The following ACYP1 variants were observed in gnomAD, a reference collection of about 807,000 sequenced individuals.
ACYP1 encodes the protein acylphosphatase-1.
A neutral mutation model predicts 10.4 loss-of-function variants in ACYP1; 8 were observed. That is an observed-to-expected ratio of 0.77 (90% CI 0.45 to 1.38). ACYP1 has a LOEUF of 1.38. Ranked by LOEUF, ACYP1 falls within the 40% of genes most tolerant of loss-of-function variation. ACYP1 has a pLI of 0.00. For missense variants in ACYP1, 93 were observed against 117.3 expected, an observed-to-expected ratio of 0.79 and a Z score of 0.96; for synonymous variants, 38 against 40.8, an observed-to-expected ratio of 0.93 and a Z score of 0.26.
chr14:75,067,838 A>T (rs1204544445), upstream of ACYP1, among the ~76,000 whole-genome samples: 2 of 151,842 alleles, frequency 1.3e-5, no homozygotes, highest in African/African-American at 2.4e-5. Context: ...TACAGAAAAA[A>T]AAAAAAGAAG....
chr14:75,065,693 T>A (rs1893130827), upstream of ACYP1, among the ~76,000 whole-genome samples: 1 of 152,132 alleles, frequency 6.6e-6, no homozygotes, highest in South Asian at 2.1e-4. Context: ...GATAATTTAA[T>A]TCCATGAAAA....
intron 2 of ACYP1, among the ~76,000 whole-genome samples, chr14:75,059,163 C>T (rs989279599): frequency 6.6e-5 from 8 of 121,244 alleles, no homozygotes; most frequent in African/African-American, 9.7e-5. Context: ...CTGCACAGAG[C>T]GAGACTCTGT....
chr14:75,068,300 A>C (rs1168762092), upstream of ACYP1, among the ~76,000 whole-genome samples: 4 of 152,186 alleles, frequency 2.6e-5, no homozygotes, highest in Non-Finnish European at 2.9e-5. Flanking sequence ...CGTCTCAAAA[A>C]ACAAAAAACA....
At chr14:75,066,972 G>C (rs1893152359), upstream of ACYP1, among the ~76,000 whole-genome samples, 1 of 152,192 alleles carries the variant, frequency 6.6e-6, no homozygotes, top group African/African-American at 2.4e-5. Flanking sequence ...AGGCAGATTT[G>C]AGAATGGGAG....
chr14:75,057,980 A>AAAC (rs1480176637), intron 2 of ACYP1, among the ~76,000 whole-genome samples: 13 of 147,358 alleles, frequency 8.8e-5, no homozygotes, highest in African/African-American at 2.8e-4. Flanking sequence ...AAAAAAAAAA[A>AAAC]AAAAAAAAGA....
upstream of ACYP1, chr14:75,064,038 C>CG (rs1012391352): frequency 1.0e-6 from 1 of 988,212 alleles, no homozygotes; most frequent in Non-Finnish European, 1.2e-6. Context: ...CCTCCGCGCC[C>CG]GGAAGTTTAG....
intron 2 of ACYP1, among the ~76,000 whole-genome samples, chr14:75,062,590 T>C (rs1160520249): frequency 7.1e-6 from 1 of 140,978 alleles, no homozygotes; most frequent in Non-Finnish European, 1.5e-5. Context: ...CTGAGGCGGA[T>C]GGATCACGAG....
intron 2 of ACYP1, chr14:75,061,535 C>T: frequency 2.4e-6 from 1 of 418,072 alleles, no homozygotes; most frequent in South Asian, 8.5e-5. Context: ...ATTTGTTTTT[C>T]TGCATTCTGT....
At chr14:75,059,075 G>T (rs1351503557) in intron 2 of ACYP1, among the ~76,000 whole-genome samples, 1 of 146,618 alleles carries the variant, frequency 6.8e-6, no homozygotes, top group African/African-American at 2.5e-5. Flanking sequence ...TAGCACACCT[G>T]TAATCTCAGC....
At position 75,060,328 on chromosome 14, in the gene ACYP1, G is replaced by T; in HGVS notation, c.84+3142C>A. 4 of 628,724 alleles carry T rather than the reference G, an allele frequency of 6.4e-6. No homozygotes were observed. In the Admixed American group the frequency reaches 1.1e-4, roughly 17 times the overall value. The allele number at this position is 628,724 out of a possible 1,614,324, so 38.9% of individuals were successfully genotyped here. A position where few individuals can be genotyped will look rare whatever the true frequency, so the allele number is the denominator to read the frequency against. On this transcript the variant is annotated intron_variant, in intron 2 of 2. Transcript: ENST00000238618. The stretch of plus-strand genomic sequence containing the variant: ...ACCCACTAGGATGGCTAACATAAAA[G>T]ACAGTAACCATTGTTGGCAAGGATG...
chr14:75,053,876 AC>A (rs1248221144), intron 2 of ACYP1, among the ~76,000 whole-genome samples: 35 of 152,224 alleles, frequency 2.3e-4, no homozygotes. Context: ...ACCCTATAAA[AC>A]CCAGGCACTA....
chr14:75,064,037 C>A (rs1566621385), upstream of ACYP1: 3 of 988,376 alleles, frequency 3.0e-6, no homozygotes, highest in East Asian at 3.4e-4. Flanking sequence ...ACCTCCGCGC[C>A]CGGAAGTTTA....
upstream of ACYP1, among the ~76,000 whole-genome samples, chr14:75,065,502 T>C (rs919019729): frequency 1.3e-5 from 2 of 152,262 alleles, no homozygotes; most frequent in African/African-American, 4.8e-5. Flanking sequence ...ATGGTATTTC[T>C]TTCTCTAAAA....
In ACYP1 at chr14:75,063,584, A is replaced by C. The variant is rs368888275; in HGVS notation, c.-8-23T>G. ...AACCTGTCAGAAACCAGGAAAGCAG[A>C]AGAGTGAAGGGCTATTATTCCAGGA... On this transcript the variant is annotated intron_variant, in intron 1 of 2. Transcript: ENST00000238618. The C allele has an allele frequency of 4.6e-5, 73 of 1,593,178 alleles. 1 individual carries two copies. The highest frequency in any genetic ancestry group is 6.2e-5 in the Non-Finnish European group (72 of 1,162,738).
At chr14:75,058,995 C>A (rs1042336343) in intron 2 of ACYP1, among the ~76,000 whole-genome samples, 3 of 151,048 alleles carry the variant, frequency 2.0e-5, no homozygotes, top group Non-Finnish European at 3.0e-5. Flanking sequence ...GTCAGGAGTT[C>A]GAGACCAGTC....
chr14:75,063,602 T>C (rs1490274941), intron 1 of ACYP1, 41 bp from the exon 2 acceptor site: 1 of 1,549,518 alleles, frequency 6.5e-7, no homozygotes, highest in African/African-American at 1.4e-5. Context: ...AGGGCTATTA[T>C]TCCAGGACCC....
upstream of ACYP1, among the ~76,000 whole-genome samples, chr14:75,066,466 G>C (rs1468461502): frequency 6.6e-6 from 1 of 152,156 alleles, no homozygotes; most frequent in African/African-American, 2.4e-5. Flanking sequence ...TTGAAGGCAA[G>C]AGCAGAAGTT....
intron 2 of ACYP1, chr14:75,061,568 G>A (rs1893016450): frequency 4.0e-6 from 2 of 498,290 alleles, no homozygotes; most frequent in East Asian, 6.7e-5. Flanking sequence ...AAACTGGGGA[G>A]AGGGGCAGGT....
chr14:75,069,436 C>G, exon 1 of ACYP1: 5 of 641,830 alleles, frequency 7.8e-6, no homozygotes, highest in Non-Finnish European at 1.2e-5. Flanking sequence ...CCGCCCCTCC[C>G]CGGCTCCCCA....
Sources: allele counts gnomAD v4.1 joint callset (sites outside exome capture counted in the v4.1 genomes callset), GRCh38; gene constraint gnomAD v4.1.1; transcripts MANE v1.5; gene names NCBI Gene and HGNC (gene_info 2026-07-23, HGNC 2026-07-21).